The following CPLANE1 variants were observed in gnomAD, a reference collection of about 807,000 sequenced individuals.
The protein encoded by CPLANE1 is ciliogenesis and planar polarity effector complex subunit 1, also known as ciliogenesis and planar polarity effector 1.
A neutral mutation model predicts 362.5 loss-of-function variants in CPLANE1; 263 were observed. That is an observed-to-expected ratio of 0.73 (90% CI 0.66 to 0.80). CPLANE1 has a LOEUF of 0.80. Among genes scored for constraint, CPLANE1 ranks in the 30% least tolerant of loss-of-function variants. The pLI, the probability that CPLANE1 is intolerant of heterozygous loss-of-function variation, is 0.00. For missense variants in CPLANE1, 3,461 were observed against 3,793.4 expected (o/e 0.91, Z 2.30); for synonymous variants, 1,212 against 1,302.6 (o/e 0.93, Z 1.50).
In CPLANE1 at chr5:37,206,392, G is replaced by C. The variant is rs1329807288; in HGVS notation, c.2954C>G (p.Ser985Cys). 6.4e-7 allele frequency: 1 copy of C among 1,551,398 alleles called. No homozygotes were observed. The highest frequency in any genetic ancestry group is 2.0e-5 in the Admixed American group (1 of 50,982). The change falls in exon 17 of 53, where the codon TCT becomes TGT. Residue 985 changes from serine (S) to cysteine (C), a missense_variant. Ser to Cys is a moderately radical substitution (Grantham distance 112). Coordinates refer to ENST00000651892, the MANE Select transcript of CPLANE1 (RefSeq NM_001384732.1). The stretch of plus-strand genomic sequence containing the variant: ...ATCTCTAACAACACTGGCCACCTTA[G>C]AGTGTTGCAGAGGAATAAGTCGAAA... The part of the protein sequence containing the change: ...QSFRLIPLQH[S>C]KVASVVRDQN...
At chr5:37,153,711 A>G (rs764572302) in intron 42 of CPLANE1, 29 bp downstream of exon 42, 22 of 1,580,248 alleles carry the variant, frequency 1.4e-5, no homozygotes, top group Non-Finnish European at 1.8e-5. Context: ...TCAGTAGCAA[A>G]CAAAAAACTA....
intron 50 of CPLANE1, among the ~76,000 whole-genome samples, chr5:37,119,938 G>T (rs1207766767): frequency 6.6e-6 from 1 of 151,748 alleles, no homozygotes; most frequent in Non-Finnish European, 1.5e-5. Flanking sequence ...AGTGAGCCAA[G>T]ATCTCGCCAC....
intron 29 of CPLANE1, among the ~76,000 whole-genome samples, chr5:37,178,280 A>C (rs1781738840): frequency 6.6e-6 from 1 of 151,980 alleles, no homozygotes; most frequent in Non-Finnish European, 1.5e-5. Context: ...CAACAGAGCA[A>C]GACTGTCTCA....
intron 14 of CPLANE1, 110 bp downstream of exon 14, chr5:37,224,143 C>T (rs1018004622): frequency 6.0e-5 from 40 of 662,412 alleles, no homozygotes; most frequent in Non-Finnish European, 1.0e-4. Flanking sequence ...AGATGTCCTG[C>T]TAATATAATG....
rs939816838 is a variant in CPLANE1 at position 37,213,716 on chromosome 5, A to T, written c.2763T>A (p.His921Gln). The T allele has an allele frequency of 1.6e-5, 24 of 1,513,228 alleles. No individual in the cohort carries two copies. Among genetic ancestry groups the T allele is most frequent in the Admixed American group, 6.2e-5 (3 of 48,432 alleles). The allele number at this position is 1,513,228 out of a possible 1,614,324, so 93.7% of individuals were successfully genotyped here. The change falls in exon 16 of 53, where the codon CAT becomes CAA. Residue 921 changes from histidine (H) to glutamine (Q), a missense_variant. Around this residue, in one of 2 missense-constraint regions of CPLANE1, gnomAD observed 3,380 missense variants for 3,666.1 expected, o/e 0.92. Coordinates refer to ENST00000651892, the MANE Select transcript of CPLANE1 (RefSeq NM_001384732.1). ...NKDFSGAAKS[H>Q]FECGMVGGVH... Reference sequence around the variant, plus strand: ...CACCGCCCACCATTCCACACTCAAAATGAGACTTTGCAGCACCTAAGGAAT... The same window carrying T: ...CACCGCCCACCATTCCACACTCAAATTGAGACTTTGCAGCACCTAAGGAAT...
the CPLANE1 span, chr5:37,085,483 C>T: frequency 1.2e-6 from 1 of 816,020 alleles, no homozygotes; most frequent in Admixed American, 1.7e-5. Flanking sequence ...ACTCATGATG[C>T]TCACAGCATC....
At chr5:37,146,723 G>GC (rs1282896290) in intron 43 of CPLANE1, among the ~76,000 whole-genome samples, 1 of 151,978 alleles carries the variant, frequency 6.6e-6, no homozygotes, top group African/African-American at 2.4e-5. Flanking sequence ...AAAGGGATTG[G>GC]CCATGAGTTG....
chr5:37,141,222 C>A (rs1769611448), intron 44 of CPLANE1: 1 of 985,336 alleles, frequency 1.0e-6, no homozygotes, highest in Non-Finnish European at 1.2e-6. Context: ...CCTTGTTTTA[C>A]TTCTCTGCTT....
At chr5:37,124,376 T>A (rs1763575997) in intron 47 of CPLANE1, among the ~76,000 whole-genome samples, 1 of 152,152 alleles carries the variant, frequency 6.6e-6, no homozygotes, top group African/African-American at 2.4e-5. Flanking sequence ...CCTAGCCTGG[T>A]TATGTCTGTA....
chr5:37,176,486 A>T (rs1187217765), intron 30 of CPLANE1, among the ~76,000 whole-genome samples: 1 of 152,064 alleles, frequency 6.6e-6, no homozygotes, highest in Non-Finnish European at 1.5e-5. Flanking sequence ...AATACAAAAA[A>T]ATTAGCTAGG....
intron 51 of CPLANE1, among the ~76,000 whole-genome samples, chr5:37,114,705 GC>G (rs1412428014): frequency 6.6e-6 from 1 of 152,094 alleles, no homozygotes; most frequent in Non-Finnish European, 1.5e-5. Flanking sequence ...TTCAAGACCA[GC>G]CTGGCCAACA....
chr5:37,237,342 A>T (rs1288003892), intron 8 of CPLANE1, among the ~76,000 whole-genome samples: 3 of 152,252 alleles, frequency 2.0e-5, no homozygotes, highest in African/African-American at 7.2e-5. Flanking sequence ...AAAATCACTC[A>T]GAAACAGAAA....
At position 37,184,936 on chromosome 5, in the gene CPLANE1, C is replaced by A. The variant is rs747364413; in HGVS notation, c.4333G>T (p.Ala1445Ser). 6.2e-7 allele frequency: 1 copy of A among 1,614,112 alleles called. No homozygotes were observed. The highest frequency in any genetic ancestry group is 1.7e-5 in the Admixed American group (1 of 60,002). ...AGGGAATATCTGTCAACACCTGGAG[C>A]CTCATCTGGTTTCTCTTCTTCAATT... ...EPIEEEKPDE[A>S]PGVDRYSLGT... Residue 1445 changes from alanine to serine, a missense_variant, in exon 25 of 53, where the codon GCT (alanine) becomes TCT (serine). Physicochemically the swap from Ala to Ser is moderately conservative, Grantham distance 99. Around this residue, in one of 2 missense-constraint regions of CPLANE1, gnomAD observed 3,380 missense variants for 3,666.1 expected, o/e 0.92. Coordinates refer to ENST00000651892, the MANE Select transcript of CPLANE1 (RefSeq NM_001384732.1).
the CPLANE1 span, among the ~76,000 whole-genome samples, chr5:37,090,556 CCTTT>C: frequency 6.6e-6 from 1 of 152,170 alleles, no homozygotes; most frequent in Non-Finnish European, 1.5e-5. Context: ...CTGATAAACT[CCTTT>C]ATTTCTTATC....
intron 42 of CPLANE1, among the ~76,000 whole-genome samples, chr5:37,150,003 C>T (rs138820632): frequency 4.9e-4 from 75 of 152,220 alleles, no homozygotes; most frequent in African/African-American, 1.6e-3. Context: ...TTGTCCCTAC[C>T]TTCGAGTCTT....
At chr5:37,141,434 C>A in intron 44 of CPLANE1, 1 of 983,558 alleles carries the variant, frequency 1.0e-6, no homozygotes, top group Non-Finnish European at 1.2e-6. Flanking sequence ...GTCTTCACAA[C>A]TTTGTGAAGT....
the CPLANE1 span, among the ~76,000 whole-genome samples, chr5:37,094,861 C>G: frequency 6.6e-6 from 1 of 152,148 alleles, no homozygotes; most frequent in Admixed American, 6.5e-5. Flanking sequence ...TGGAAAGATA[C>G]AACCCTCCTA....
chr5:37,148,312 T>C (rs762927756), intron 42 of CPLANE1, 44 bp from the exon 43 acceptor site: 13 of 1,348,332 alleles, frequency 9.6e-6, no homozygotes, highest in Non-Finnish European at 1.3e-5. Flanking sequence ...AATACTTTGA[T>C]AATTTCAAAA....
chr5:37,210,008 A>T, intron 16 of CPLANE1: 1 of 862,804 alleles, frequency 1.2e-6, no homozygotes, highest in African/African-American at 1.7e-5. Flanking sequence ...GGGAAGAAAT[A>T]TGTCAAAAGT....
Sources: allele counts gnomAD v4.1 joint callset (sites outside exome capture counted in the v4.1 genomes callset), GRCh38; gene constraint gnomAD v4.1.1; regional missense constraint gnomAD v4.1.1; transcripts MANE v1.5; gene names NCBI Gene and HGNC (gene_info 2026-07-23, HGNC 2026-07-21).